The following FOCAD variants were observed in gnomAD, a reference collection of about 807,000 sequenced individuals.
The protein encoded by FOCAD is focadhesin.
A neutral mutation model predicts 225.6 loss-of-function variants in FOCAD; 198 were observed. The observed-to-expected ratio is 0.88, with a 90% CI of 0.78 to 0.99. FOCAD has a LOEUF of 0.99. FOCAD is among the 50% of genes least tolerant of loss of function. FOCAD has a pLI of 0.00. For missense variants in FOCAD, 2,713 were observed against 2,123.6 expected, an observed-to-expected ratio of 1.28 and a Z score of -5.46; for synonymous variants, 897 against 755.0, an observed-to-expected ratio of 1.19 and a Z score of -3.08.
chr9:20,803,955 A>T (rs1822124178), intron 11 of FOCAD, among the ~76,000 whole-genome samples: 1 of 152,140 alleles, frequency 6.6e-6, no homozygotes, highest in Non-Finnish European at 1.5e-5. Context: ...TGCCACAGAG[A>T]TTCTGAATTT....
intron 29 of FOCAD, 117 bp from the exon 30 acceptor site, chr9:20,946,584 G>C (rs563568550): frequency 9.1e-7 from 1 of 1,104,880 alleles, no homozygotes; most frequent in Non-Finnish European, 1.3e-6. Context: ...CATGGTAAAT[G>C]TATGTGAATC....
At chr9:20,763,295 G>A (rs1378592620) in intron 6 of FOCAD, among the ~76,000 whole-genome samples, 6 of 152,148 alleles carry the variant, frequency 3.9e-5, no homozygotes. Flanking sequence ...TAGTCTGGCA[G>A]GGGGATACAG....
At chr9:20,778,153 G>T (rs1818980929) in intron 8 of FOCAD, among the ~76,000 whole-genome samples, 1 of 150,646 alleles carries the variant, frequency 6.6e-6, no homozygotes. Context: ...GCTGTGTTGA[G>T]TTTTCCTCTG....
intron 2 of FOCAD, among the ~76,000 whole-genome samples, chr9:20,665,836 G>C (rs1361024375): frequency 6.6e-6 from 1 of 151,974 alleles, no homozygotes; most frequent in African/African-American, 2.4e-5. Context: ...TTTGAGACCA[G>C]CCTGGCCAAC....
At chr9:20,968,156 T>G (rs184080322) in intron 35 of FOCAD, among the ~76,000 whole-genome samples, 124 of 152,258 alleles carry the variant, frequency 8.1e-4, no homozygotes, top group Non-Finnish European at 1.5e-3. Flanking sequence ...TGTTAAACTT[T>G]CTATGCATTC....
At chr9:20,979,899 A>G (rs1384405118) in intron 37 of FOCAD, among the ~76,000 whole-genome samples, 2 of 152,148 alleles carry the variant, frequency 1.3e-5, no homozygotes, top group Non-Finnish European at 2.9e-5. Flanking sequence ...TTGAGTTATA[A>G]TCTATATAGC....
intron 15 of FOCAD, among the ~76,000 whole-genome samples, chr9:20,847,972 A>G (rs1381529812): frequency 6.6e-6 from 1 of 152,016 alleles, no homozygotes; most frequent in African/African-American, 2.4e-5. Flanking sequence ...TTAAAGTGTG[A>G]CTCAAGTATT....
chr9:20,983,147 T>G (rs1424558190), intron 39 of FOCAD, among the ~76,000 whole-genome samples: 2 of 152,328 alleles, frequency 1.3e-5, no homozygotes, highest in African/African-American at 4.8e-5. Flanking sequence ...TGGAAATGAT[T>G]AGAAATGTGA....
At chr9:20,953,245 C>T (rs1182190545) in intron 35 of FOCAD, among the ~76,000 whole-genome samples, 180 bp downstream of exon 35, 6 of 152,190 alleles carry the variant, frequency 3.9e-5, no homozygotes, top group South Asian at 2.1e-4. Context: ...ATAATTGGTA[C>T]GTAAATATAC....
At chr9:20,908,413 C>G (rs374473801) in intron 22 of FOCAD, among the ~76,000 whole-genome samples, 1 of 151,954 alleles carries the variant, frequency 6.6e-6, no homozygotes, top group South Asian at 2.1e-4. Flanking sequence ...TCTTAGAACT[C>G]GTAAAACACT....
chr9:20,858,580 C>T (rs1359289758), intron 15 of FOCAD, among the ~76,000 whole-genome samples: 6 of 151,856 alleles, frequency 4.0e-5, no homozygotes, highest in African/African-American at 1.2e-4. Context: ...CTTTTTGTTG[C>T]TTTTCAGTGT....
At chr9:20,709,290 G>T (rs189728882) in intron 1 of FOCAD, among the ~76,000 whole-genome samples, 2 of 152,102 alleles carry the variant, frequency 1.3e-5, no homozygotes. Context: ...ATATTGAAAG[G>T]TTGGAGATAA....
chr9:20,921,116 C>A (rs1158650942), intron 24 of FOCAD, among the ~76,000 whole-genome samples: 1 of 151,694 alleles, frequency 6.6e-6, no homozygotes, highest in Non-Finnish European at 1.5e-5. Flanking sequence ...AGAGTCAGAA[C>A]ACGTATAAAA....
At chr9:20,835,652 G>A (rs1042221191) in intron 15 of FOCAD, among the ~76,000 whole-genome samples, 11 of 152,086 alleles carry the variant, frequency 7.2e-5, no homozygotes, top group African/African-American at 2.7e-4. Context: ...AATACAGGAT[G>A]TGCCGAAATT....
intron 10 of FOCAD, among the ~76,000 whole-genome samples, chr9:20,788,204 G>A (rs1182996041): frequency 6.6e-6 from 1 of 152,174 alleles, no homozygotes; most frequent in Admixed American, 6.5e-5. Flanking sequence ...AGTGAAAGAA[G>A]CTGGTCACAA....
chr9:20,922,280 C>A (rs762400224), intron 24 of FOCAD, among the ~76,000 whole-genome samples: 1 of 152,066 alleles, frequency 6.6e-6, no homozygotes. Flanking sequence ...CCAACCCTCC[C>A]CATTATAAAC....
intron 15 of FOCAD, among the ~76,000 whole-genome samples, chr9:20,848,219 T>A (rs1827310355): frequency 6.6e-6 from 1 of 151,970 alleles, no homozygotes. Flanking sequence ...CATGTAGAAA[T>A]ATGACTGGAC....
At chr9:20,756,526 G>C (rs1237757174) in intron 5 of FOCAD, among the ~76,000 whole-genome samples, 1 of 152,128 alleles carries the variant, frequency 6.6e-6, no homozygotes, top group Non-Finnish European at 1.5e-5. Context: ...AAATTGCTAG[G>C]GGACAAACTT....
At chr9:20,879,852 A>G (rs1215894163) in intron 19 of FOCAD, among the ~76,000 whole-genome samples, 1 of 152,174 alleles carries the variant, frequency 6.6e-6, no homozygotes, top group Non-Finnish European at 1.5e-5. Flanking sequence ...AGAGCTTGGT[A>G]AGTAGAAAAC....
Sources: allele counts gnomAD v4.1 joint callset (sites outside exome capture counted in the v4.1 genomes callset), GRCh38; gene constraint gnomAD v4.1.1; transcripts MANE v1.5; gene names NCBI Gene and HGNC (gene_info 2026-07-23, HGNC 2026-07-21).